The following ITPRID1 variants were observed in gnomAD, a reference collection of about 807,000 sequenced individuals.
The protein encoded by ITPRID1 is protein ITPRID1.
ITPRID1 carries 96 observed loss-of-function variants against 95.4 expected under a neutral mutation model. That is an observed-to-expected ratio of 1.01 (90% CI 0.85 to 1.19). ITPRID1 has a LOEUF of 1.19. ITPRID1 is among the 50% of genes most tolerant of loss of function. The probability of loss-of-function intolerance (pLI) is 0.00; values close to 1 mark genes in which losing one functional copy is unlikely to be tolerated. For synonymous variants in ITPRID1, 510 were observed against 453.6 expected, an observed-to-expected ratio of 1.12 and a Z score of -1.58; for missense variants, 1,339 against 1,252.9, an observed-to-expected ratio of 1.07 and a Z score of -1.04.
At position 31,642,758 on chromosome 7, in the gene ITPRID1, T is replaced by C. The variant is rs568116947; in HGVS notation, c.1388T>C (p.Val463Ala). ...CCAAGAGATCAGAGCCACAGCTTAG[T>C]ATCATCCCAGGACTGTCAGCTAGAG... ...RKPRDQSHSL[V>A]SSQDCQLESD... The change falls in exon 12 of 15, where the codon GTA (valine) becomes GCA (alanine). Residue 463 changes from valine to alanine, a missense_variant. Transcript: ENST00000615280. 4.3e-6 allele frequency: 7 copies of C among 1,613,994 alleles called. No homozygotes were observed. The South Asian group carries it at 6.6e-5, about 15-fold the overall frequency.
At chr7:31,628,882 T>A (rs1288430754) in intron 10 of ITPRID1, among the ~76,000 whole-genome samples, 2 of 152,172 alleles carry the variant, frequency 1.3e-5, no homozygotes, top group Non-Finnish European at 2.9e-5. Flanking sequence ...TCCCTGCCAA[T>A]CAACCAGTGG....
In ITPRID1 at chr7:31,652,849, C is replaced by A. The variant is rs1158484133; in HGVS notation, c.*20C>A. The A allele has an allele frequency of 2.5e-6, 4 of 1,599,070 alleles. No homozygotes were observed. The East Asian group carries it at 6.7e-5, about 27-fold the overall frequency. On this transcript the variant is annotated 3_prime_UTR_variant, in exon 15 of 15. Transcript: ENST00000615280. Reference sequence around the variant, plus strand: ...CTCTAGATCAGAGCAGGTTTGTTAACCTTCATACAAAATATAAAGGCCCAG... The same window carrying A: ...CTCTAGATCAGAGCAGGTTTGTTAAACTTCATACAAAATATAAAGGCCCAG...
chr7:31,603,818 T>C (rs1786500283), intron 10 of ITPRID1, among the ~76,000 whole-genome samples: 1 of 152,092 alleles, frequency 6.6e-6, no homozygotes, highest in Non-Finnish European at 1.5e-5. Context: ...GCTACATTGC[T>C]CCTTTTTTCA....
intron 5 of ITPRID1, among the ~76,000 whole-genome samples, chr7:31,568,051 G>C (rs943587236): frequency 6.6e-6 from 1 of 151,828 alleles, no homozygotes; most frequent in Non-Finnish European, 1.5e-5. Flanking sequence ...ACTTGAACTC[G>C]GGAGGCAGAG....
intron 1 of ITPRID1, among the ~76,000 whole-genome samples, chr7:31,527,367 C>T (rs1783453667): frequency 6.6e-6 from 1 of 152,176 alleles, no homozygotes; most frequent in African/African-American, 2.4e-5. Context: ...GTCAAAAACT[C>T]ACTTTGTGAC....
intron 12 of ITPRID1, among the ~76,000 whole-genome samples, chr7:31,647,375 TG>T (rs1304476522): frequency 6.6e-6 from 1 of 152,016 alleles, no homozygotes; most frequent in Non-Finnish European, 1.5e-5. Context: ...TAGAAGATAA[TG>T]GGAGGCCAGG....
chr7:31,537,697 A>G (rs765095862), intron 1 of ITPRID1, among the ~76,000 whole-genome samples: 2 of 152,168 alleles, frequency 1.3e-5, no homozygotes, highest in Non-Finnish European at 2.9e-5. Context: ...GACATTATTT[A>G]TTTCTTCATA....
chr7:31,569,792 T>G lies in ITPRID1; in HGVS notation c.291T>G (p.Thr97=), dbSNP rs145529826. Residue 97 remains threonine (T), a synonymous_variant, in exon 6 of 15, where the codon ACT becomes ACG. Coordinates refer to ENST00000615280, the MANE Select transcript of ITPRID1 (RefSeq NM_001257967.3). ...SLYEQGMVQM[T]VKDYMRSLHQ... ...ATGAACAAGGGATGGTTCAAATGAC[T>G]GTGAAAGACTACATGAGGTAGGTAG... 5.1e-5 allele frequency: 81 copies of G among 1,587,094 alleles called. No individual in the cohort carries two copies. The African/African-American group carries it at 9.5e-4, about 19-fold the overall frequency.
chr7:31,610,492 A>G (rs1014610148), intron 10 of ITPRID1, among the ~76,000 whole-genome samples: 2 of 151,464 alleles, frequency 1.3e-5, no homozygotes, highest in South Asian at 2.1e-4. Context: ...TTATTGTTCA[A>G]ATCTTCTGTT....
At chr7:31,546,399 G>A (rs915799407) in intron 1 of ITPRID1, among the ~76,000 whole-genome samples, 2 of 144,872 alleles carry the variant, frequency 1.4e-5, no homozygotes, top group East Asian at 3.9e-4. Flanking sequence ...GAGAAATATT[G>A]TGTGTGTGTG....
Position 31,652,154 on chromosome 7 carries a change from C to A in ITPRID1, c.2823+104C>A, listed in dbSNP as rs535952726. ...GCAATCATTTCAGAATCTAGGTTTA[C>A]ATGCCAACACCTTCATTTTAAGTAT... On this transcript the variant is annotated intron_variant, in intron 14 of 14. Coordinates refer to ENST00000615280, the MANE Select transcript of ITPRID1 (RefSeq NM_001257967.3). The A allele has an allele frequency of 7.1e-5, 62 of 870,114 alleles. 1 individual carries two copies. In the South Asian group the frequency reaches 9.5e-4, roughly 13 times the overall value. 53.9% of individuals were successfully genotyped at this position (870,114 alleles called of 1,614,324 possible).
At chr7:31,564,264 G>A (rs1019547345) in intron 5 of ITPRID1, among the ~76,000 whole-genome samples, 1 of 152,184 alleles carries the variant, frequency 6.6e-6, no homozygotes, top group African/African-American at 2.4e-5. Context: ...AGGGTGGCTG[G>A]AGACTCAAGT....
chr7:31,574,450 A>G, intron 7 of ITPRID1, 90 bp from the exon 8 acceptor site: 2 of 1,113,426 alleles, frequency 1.8e-6, no homozygotes, highest in South Asian at 1.3e-5. Flanking sequence ...TTCACTCAGT[A>G]TCTGGGAGAT....
In ITPRID1 at chr7:31,656,047, G is replaced by A; in HGVS notation, c.*3218G>A. On this transcript the variant is annotated 3_prime_UTR_variant, in exon 15 of 15. Coordinates refer to ENST00000615280, the MANE Select transcript of ITPRID1 (RefSeq NM_001257967.3). ...GAAGTATCTCACCAGTAAGTCCTAG[G>A]GCAGACCCCATCTCCTACACAGGCT... is the stretch of plus-strand genomic sequence containing the variant. 1 of 979,534 alleles carries A rather than the reference G, an allele frequency of 1.0e-6. No individual in the cohort carries two copies. The highest frequency in any genetic ancestry group is 1.2e-6 in the Non-Finnish European group (1 of 824,598). The allele number at this position is 979,534 out of a possible 1,614,324, so 60.7% of individuals were successfully genotyped here.
intron 10 of ITPRID1, among the ~76,000 whole-genome samples, chr7:31,596,664 T>G (rs987089235): frequency 6.6e-5 from 10 of 151,556 alleles, no homozygotes; most frequent in African/African-American, 2.2e-4. Context: ...CTATCATCCT[T>G]TACCAACAGA....
intron 10 of ITPRID1, among the ~76,000 whole-genome samples, chr7:31,606,537 C>T (rs1786634100): frequency 6.6e-6 from 1 of 152,284 alleles, no homozygotes; most frequent in South Asian, 2.1e-4. Context: ...ACAAATGCCA[C>T]TTAGGTAAAA....
At chr7:31,610,636 A>G (rs1053653843) in intron 10 of ITPRID1, among the ~76,000 whole-genome samples, 1 of 151,570 alleles carries the variant, frequency 6.6e-6, no homozygotes, top group Admixed American at 6.6e-5. Flanking sequence ...TCAGGTCTAC[A>G]TGTGTTTTTA....
chr7:31,610,189 T>C (rs1448748336), intron 10 of ITPRID1, among the ~76,000 whole-genome samples: 3 of 151,692 alleles, frequency 2.0e-5, no homozygotes, highest in African/African-American at 7.2e-5. Flanking sequence ...TTGTGGACTA[T>C]CATATGGTCT....
Position 31,603,891 on chromosome 7 carries a change from C to G in ITPRID1, c.1228+20700C>G. On this transcript the variant is annotated intron_variant, in intron 10 of 14. Coordinates refer to ENST00000615280, the MANE Select transcript of ITPRID1 (RefSeq NM_001257967.3). ...TCATCCATCTTTCAAGGTCTTAGTG[C>G]GATGATTACCTCTTCTGTCATCTCC... 1.3e-5 allele frequency among the ~76,000 whole-genome samples: 2 copies of G among 152,270 alleles called. 1 individual carries two copies. The highest frequency in any genetic ancestry group is 4.1e-4 in the South Asian group (2 of 4,832).
Sources: gnomAD v4.1 joint callset for allele counts (sites outside exome capture counted in the v4.1 genomes callset) on GRCh38, gnomAD v4.1.1 for gene constraint, MANE v1.5 for transcripts, NCBI Gene and HGNC (gene_info 2026-07-23, HGNC 2026-07-21) for gene names.